GMEB2: variants seen among roughly 807,000 people sequenced by gnomAD.
GMEB2 encodes the protein glucocorticoid modulatory element binding protein 2, also known as glucocorticoid modulatory element-binding protein 2.
A neutral mutation model predicts 45.7 loss-of-function variants in GMEB2; 7 were observed. That is an observed-to-expected ratio of 0.15 (90% CI 0.09 to 0.29). GMEB2 has a LOEUF of 0.29. Ranked by LOEUF, GMEB2 falls within the 10% of genes least tolerant of loss-of-function variation. The pLI, the probability that GMEB2 is intolerant of heterozygous loss-of-function variation, is 1.00. For missense variants in GMEB2, 582 were observed against 739.2 expected, an observed-to-expected ratio of 0.79 and a Z score of 2.47; for synonymous variants, 322 against 323.6, an observed-to-expected ratio of 1.00 and a Z score of 0.05.
chr20:63,615,842 C>T (rs934436486), intron 2 of GMEB2, among the ~76,000 whole-genome samples: 1 of 152,054 alleles, frequency 6.6e-6, no homozygotes, highest in Non-Finnish European at 1.5e-5. Flanking sequence ...AACATGAGGA[C>T]CTGGGGTGCT....
At chr20:63,595,827 C>G (rs2282157) in intron 5 of GMEB2, 60 bp from the exon 6 acceptor site, 353,450 of 1,538,696 alleles carry the variant, frequency 0.23, 45,169 homozygotes, top group East Asian at 0.5. Flanking sequence ...GCACCTGGCC[C>G]GCCCACCCTG....
chr20:63,592,411 C>A lies in GMEB2; in HGVS notation c.829+122G>T. On this transcript the variant is annotated intron_variant, in intron 8 of 9. Transcript: ENST00000370077. The surrounding 1 kb of genome is among the most constrained non-coding windows in gnomAD (Gnocchi z 8.2). ...GCCTCAGCACAGCAGGAGTCCCAAG[C>A]CTAGATTCAGCCTCCAACCCAGCAG... 1 of 746,702 alleles carries A rather than the reference C, an allele frequency of 1.3e-6. No individual in the cohort carries two copies. The highest frequency in any genetic ancestry group is 1.8e-5 in the South Asian group (1 of 55,888). 46.3% of individuals were successfully genotyped at this position (746,702 alleles called of 1,614,324 possible).
intron 1 of GMEB2, among the ~76,000 whole-genome samples, 188 bp downstream of exon 1, chr20:63,626,740 AGCGCCGCCGCCCGCGCCCGCCACCGCCC>A (rs959874611): frequency 2.7e-5 from 4 of 147,362 alleles, no homozygotes; most frequent in Admixed American, 2.0e-4. Flanking sequence ...GGAGGCAGGA[AGCGCCGCCGCCCGCGCCCGCCACCGCCC>A]GCGCCGCCCG....
At chr20:63,591,287 A>C (rs1569046969) in intron 9 of GMEB2, among the ~76,000 whole-genome samples, 1 of 152,098 alleles carries the variant, frequency 6.6e-6, no homozygotes, top group Non-Finnish European at 1.5e-5. Context: ...GAACACAGTG[A>C]ACACACACAC....
At chr20:63,599,205 G>C (rs1205782745) in intron 4 of GMEB2, among the ~76,000 whole-genome samples, 1 of 148,080 alleles carries the variant, frequency 6.8e-6, no homozygotes, top group Admixed American at 6.7e-5. Context: ...GAGCTAACGT[G>C]GCCGCTCCTG....
At chr20:63,596,166 A>T (rs1303391713) in intron 5 of GMEB2, among the ~76,000 whole-genome samples, 1 of 152,238 alleles carries the variant, frequency 6.6e-6, no homozygotes, top group Non-Finnish European at 1.5e-5. Context: ...AAGCAGAGGA[A>T]GGTGGGAAAT....
chr20:63,604,668 CTCATTTTGAGTGCAGGACTGT>C, intron 3 of GMEB2, 54 bp downstream of exon 3: 1 of 852,986 alleles, frequency 1.2e-6, no homozygotes, highest in South Asian at 1.3e-5. Flanking sequence ...CTGGCTGTTC[CTCATTTTGAGTGCAGGACTGT>C]CCTGTCCCTG....
rs1165675807 is a variant in GMEB2, at chr20:63,619,282, T to C, written c.116A>G (p.Asn39Ser). Residue 39 changes from asparagine to serine, a missense_variant, in exon 2 of 10, where the codon AAC becomes AGC. Coordinates refer to ENST00000370077, the MANE Select transcript of GMEB2 (RefSeq NM_012384.5). The surrounding 1 kb of genome is among the most constrained non-coding windows in gnomAD (Gnocchi z 4.6). ...EGVKTVLVTT[N>S]LAPHGGDLTE... ...CCGAGCTTACCCGTGAGGGGCCAAGTTGGTCGTCACCAACACGGTCTTCAC... is the reference window on the plus strand; with the variant it reads ...CCGAGCTTACCCGTGAGGGGCCAAGCTGGTCGTCACCAACACGGTCTTCAC... 1.9e-6 allele frequency: 3 copies of C among 1,610,976 alleles called. No homozygotes were observed. The highest frequency in any genetic ancestry group is 1.1e-5 in the South Asian group (1 of 90,908).
intron 2 of GMEB2, among the ~76,000 whole-genome samples, chr20:63,609,871 T>C (rs73622841): frequency 2.4e-5 from 3 of 122,890 alleles, no homozygotes; most frequent in Admixed American, 7.9e-5. Flanking sequence ...CCTCCATTTC[T>C]AGAAACATGC....
chr20:63,619,477 C>T lies in GMEB2; in HGVS notation c.-57-23G>A. 1 of 1,456,358 alleles carries T rather than the reference C, an allele frequency of 6.9e-7. No homozygotes were observed. The highest frequency in any genetic ancestry group is 9.4e-7 in the Non-Finnish European group (1 of 1,065,578). 90.2% of individuals were successfully genotyped at this position (1,456,358 alleles called of 1,614,324 possible). A position where few individuals can be genotyped will look rare whatever the true frequency, so the allele number is the denominator to read the frequency against. On this transcript the variant is annotated intron_variant, in intron 1 of 9. Transcript: ENST00000370077. The surrounding 1 kb of genome is among the most constrained non-coding windows in gnomAD (Gnocchi z 4.6). ...GTCCTGGAGGAAGCAAGGCAGGGCACAGGGATGGAGTCATCTCCACATCCA... is the reference window on the plus strand; with the variant it reads ...GTCCTGGAGGAAGCAAGGCAGGGCATAGGGATGGAGTCATCTCCACATCCA...
Position 63,595,707 on chromosome 20 carries a change from G to C in GMEB2, c.522C>G (p.Thr174=). ...AGAGGTCAATCTTTGTGCTGCGGCA[G>C]GTGTTGGAGCAGACCTTGTCATGCT... is the stretch of plus-strand genomic sequence containing the variant. ...FYQHDKVCSN[T]CRSTKIDLSG... Residue 174 remains threonine (T), a synonymous_variant, in exon 6 of 10, where the codon ACC becomes ACG. Coordinates refer to ENST00000370077, the MANE Select transcript of GMEB2 (RefSeq NM_012384.5). 6.2e-7 allele frequency: 1 copy of C among 1,613,354 alleles called. No individual in the cohort carries two copies. Among genetic ancestry groups the C allele is most frequent in the Non-Finnish European group, 8.5e-7 (1 of 1,179,284 alleles).
chr20:63,615,196 C>T (rs2089599633), intron 2 of GMEB2, among the ~76,000 whole-genome samples: 1 of 152,152 alleles, frequency 6.6e-6, no homozygotes, highest in Non-Finnish European at 1.5e-5. Flanking sequence ...CCAGTCTCCT[C>T]GTTGAGCCAG....
At chr20:63,595,128 G>A (rs2083183456) in intron 6 of GMEB2, among the ~76,000 whole-genome samples, 1 of 152,326 alleles carries the variant, frequency 6.6e-6, no homozygotes, top group East Asian at 1.9e-4. Context: ...AGACACCAAC[G>A]TGGAACAGTA....
chr20:63,612,417 C>T (rs998344357), intron 2 of GMEB2, among the ~76,000 whole-genome samples: 3 of 152,178 alleles, frequency 2.0e-5, no homozygotes, highest in South Asian at 4.1e-4. Flanking sequence ...TGGATCAAGA[C>T]GTGCCATAAC....
intron 1 of GMEB2, among the ~76,000 whole-genome samples, 173 bp downstream of exon 1, chr20:63,626,757 CCGCCACCGCCCGCGCCGCCCGCCTGA>C (rs2089677507): frequency 6.8e-6 from 1 of 146,662 alleles, no homozygotes; most frequent in Non-Finnish European, 1.5e-5. Context: ...CCGCCCGCGC[CCGCCACCGCCCGCGCCGCCCGCCTGA>C]CGCCGCCGTT....
intron 2 of GMEB2, among the ~76,000 whole-genome samples, chr20:63,607,202 C>CA: frequency 7.7e-6 from 1 of 130,306 alleles, no homozygotes; most frequent in Middle Eastern, 4.2e-3. Flanking sequence ...CCCCTCTGAC[C>CA]CACCTCCATT....
intron 2 of GMEB2, among the ~76,000 whole-genome samples, chr20:63,605,203 C>T (rs2089509463): frequency 1.3e-5 from 2 of 151,494 alleles, no homozygotes; most frequent in Non-Finnish European, 2.9e-5. Flanking sequence ...CACACCACTG[C>T]ACTCCAGCCT....
chr20:63,623,180 T>A (rs1002730962), intron 1 of GMEB2, among the ~76,000 whole-genome samples: 1 of 151,978 alleles, frequency 6.6e-6, no homozygotes, highest in African/African-American at 2.4e-5. Flanking sequence ...GGAAAAAAAA[T>A]TTTTACAAAT....
At chr20:63,602,887 C>T (rs4809312) in intron 4 of GMEB2, 78 bp downstream of exon 4, 307,239 of 1,351,158 alleles carry the variant, frequency 0.23, 39,750 homozygotes, top group East Asian at 0.5. Context: ...AGGATGCACT[C>T]AGCACAGCTG....
Sources: allele counts gnomAD v4.1 joint callset (sites outside exome capture counted in the v4.1 genomes callset), GRCh38; gene constraint gnomAD v4.1.1; non-coding constraint Gnocchi (gnomAD v3.1); transcripts MANE v1.5; gene names NCBI Gene and HGNC (gene_info 2026-07-23, HGNC 2026-07-21).